The following ILRUN variants were observed in gnomAD, a reference collection of about 807,000 sequenced individuals.
ILRUN encodes inflammation and lipid regulator with UBA-like and NBR1-like domains.
Under a neutral mutation model 33.8 loss-of-function variants are expected in ILRUN, and 3 were observed. The observed-to-expected ratio is 0.09, with a 90% CI of 0.04 to 0.23. The LOEUF (loss-of-function observed/expected upper bound fraction) is 0.23. ILRUN is among the 10% of genes least tolerant of loss of function. The pLI, the probability that ILRUN is intolerant of heterozygous loss-of-function variation, is 1.00. For missense variants in ILRUN, 210 were observed against 375.1 expected (o/e 0.56, Z 3.64); for synonymous variants, 124 against 138.9 (o/e 0.89, Z 0.75).
chr6:34,612,621 A>G (rs1382001615), intron 3 of ILRUN, among the ~76,000 whole-genome samples: 1 of 152,140 alleles, frequency 6.6e-6, no homozygotes, highest in African/African-American at 2.4e-5. Context: ...ATAAGTATAA[A>G]AGAGGCCAGG....
intron 3 of ILRUN, among the ~76,000 whole-genome samples, chr6:34,619,271 T>C (rs535637982): frequency 7.2e-5 from 11 of 152,128 alleles, no homozygotes; most frequent in Non-Finnish European, 1.2e-4. Context: ...ACAACTCAAA[T>C]GTTCATCAGT....
At chr6:34,603,823 C>A (rs1761569542) in intron 4 of ILRUN, among the ~76,000 whole-genome samples, 1 of 152,144 alleles carries the variant, frequency 6.6e-6, no homozygotes, top group Non-Finnish European at 1.5e-5. Flanking sequence ...TTCCTCAAGT[C>A]TCCTAATGTA....
At position 34,589,072 on chromosome 6, in the gene ILRUN, G is replaced by C; in HGVS notation, c.*1493C>G. 1 of 152,926 alleles carries C rather than the reference G, an allele frequency of 6.5e-6. No individual in the cohort carries two copies. Among genetic ancestry groups the C allele is most frequent in the Non-Finnish European group, 1.5e-5 (1 of 68,128 alleles). 9.5% of individuals were successfully genotyped at this position (152,926 alleles called of 1,614,324 possible). ...CAGGTGACCCTGCAACAGCACCCTG[G>C]ATCCATATCCCTGGCTCTCAAACCA... On this transcript the variant is annotated 3_prime_UTR_variant, in exon 5 of 5. Transcript: ENST00000374023.
intron 3 of ILRUN, among the ~76,000 whole-genome samples, chr6:34,637,531 T>C (rs2127353225): frequency 6.6e-6 from 1 of 152,316 alleles, no homozygotes; most frequent in Middle Eastern, 3.4e-3. Context: ...AATTATATTT[T>C]TGCCCTCTAC....
intron 3 of ILRUN, among the ~76,000 whole-genome samples, chr6:34,623,988 C>T (rs1304390444): frequency 2.6e-5 from 4 of 152,194 alleles, no homozygotes; most frequent in East Asian, 3.9e-4. Flanking sequence ...CCTGTCACCA[C>T]GCCCAGCTAA....
chr6:34,646,918 C>T lies in ILRUN; in HGVS notation c.314-120G>A. On this transcript the variant is annotated intron_variant, in intron 2 of 4. Coordinates refer to ENST00000374023, the MANE Select transcript of ILRUN (RefSeq NM_024294.4). The surrounding 1 kb of genome is among the most constrained non-coding windows in gnomAD (Gnocchi z 4.9). The stretch of plus-strand genomic sequence containing the variant: ...TCTCACATACATACATAAACCTAAC[C>T]ACATATACCTAAGCCATATATTGTC... 1.2e-6 allele frequency: 1 copy of T among 811,338 alleles called. No individual in the cohort carries two copies. Among genetic ancestry groups the T allele is most frequent in the Non-Finnish European group, 2.0e-6 (1 of 500,278 alleles). The allele number at this position is 811,338 out of a possible 1,614,324, so 50.3% of individuals were successfully genotyped here. A position where few individuals can be genotyped will look rare whatever the true frequency, so the allele number is the denominator to read the frequency against.
At chr6:34,601,505 G>C (rs1372408248) in intron 4 of ILRUN, among the ~76,000 whole-genome samples, 1 of 152,172 alleles carries the variant, frequency 6.6e-6, no homozygotes, top group Non-Finnish European at 1.5e-5. Flanking sequence ...TAGCCCAGTT[G>C]AGGACACCAA....
At chr6:34,682,321 G>A (rs1477678312) in intron 1 of ILRUN, among the ~76,000 whole-genome samples, 5 of 146,940 alleles carry the variant, frequency 3.4e-5, no homozygotes, top group East Asian at 2.1e-4. Flanking sequence ...GCGGTGGCGC[G>A]ATCTCGGCCC....
chr6:34,624,393 G>A (rs1762072875), intron 3 of ILRUN, among the ~76,000 whole-genome samples: 1 of 151,108 alleles, frequency 6.6e-6, no homozygotes, highest in Non-Finnish European at 1.5e-5. Context: ...GTGTGATGTC[G>A]GCTGACTGCA....
At chr6:34,664,266 GA>G (rs1762952218) in intron 1 of ILRUN, among the ~76,000 whole-genome samples, 1 of 152,154 alleles carries the variant, frequency 6.6e-6, no homozygotes, top group Non-Finnish European at 1.5e-5. Context: ...CTGTATATTT[GA>G]AAATGTTTAT....
chr6:34,696,679 A>AG lies in ILRUN; in HGVS notation c.-77dup, dbSNP rs1763786767. 2 of 1,513,634 alleles carry AG rather than the reference A, an allele frequency of 1.3e-6. No homozygotes were observed. The highest frequency in any genetic ancestry group is 1.8e-6 in the Non-Finnish European group (2 of 1,123,346). 93.8% of individuals were successfully genotyped at this position (1,513,634 alleles called of 1,614,324 possible). The stretch of plus-strand genomic sequence containing the variant: ...CGCGCCGCCGGGCCCGGGGACCTGG[A>AG]GGGGGGCCGCTGCTAGCTAGCTTCG... On this transcript the variant is annotated 5_prime_UTR_variant, in exon 1 of 5. Coordinates refer to ENST00000374023, the MANE Select transcript of ILRUN (RefSeq NM_024294.4).
intron 1 of ILRUN, among the ~76,000 whole-genome samples, chr6:34,661,981 C>T (rs993591249): frequency 2.0e-4 from 30 of 151,412 alleles, no homozygotes; most frequent in Admixed American, 1.1e-3. Flanking sequence ...AAAAATTAGC[C>T]GGGCGTGGTG....
At chr6:34,653,879 G>A (rs1762718185) in intron 2 of ILRUN, among the ~76,000 whole-genome samples, 1 of 150,792 alleles carries the variant, frequency 6.6e-6, no homozygotes, top group South Asian at 2.1e-4. Context: ...GCTGAGGCAG[G>A]AGGATCGCCT....
At chr6:34,630,002 A>G (rs1762212580) in intron 3 of ILRUN, among the ~76,000 whole-genome samples, 3 of 152,342 alleles carry the variant, frequency 2.0e-5, no homozygotes, top group East Asian at 1.9e-4. Flanking sequence ...ACAATAACTG[A>G]TAATAAAATA....
At chr6:34,626,740 G>A (rs1356559056) in intron 3 of ILRUN, among the ~76,000 whole-genome samples, 1 of 152,158 alleles carries the variant, frequency 6.6e-6, no homozygotes, top group Non-Finnish European at 1.5e-5. Flanking sequence ...GGGTGTGATG[G>A]CTCACGCCTG....
At chr6:34,611,873 C>T (rs572727522) in intron 3 of ILRUN, among the ~76,000 whole-genome samples, 153 of 152,256 alleles carry the variant, frequency 1.0e-3, no homozygotes, top group African/African-American at 3.5e-3. Context: ...CTAACAGGAA[C>T]ATAGGAACCC....
At chr6:34,651,233 A>T (rs1349782181) in intron 2 of ILRUN, among the ~76,000 whole-genome samples, 1 of 152,242 alleles carries the variant, frequency 6.6e-6, no homozygotes, top group Non-Finnish European at 1.5e-5. Context: ...GCACCTTGAA[A>T]GATAAAATCT....
chr6:34,634,645 A>G (rs1034603414), intron 3 of ILRUN, among the ~76,000 whole-genome samples: 2 of 152,192 alleles, frequency 1.3e-5, no homozygotes, highest in African/African-American at 4.8e-5. Context: ...TAAAAGGATA[A>G]TAAGAGGATA....
rs186119302 is a variant in ILRUN, at chr6:34,599,634, T to C, written c.861+6921A>G. 2.0e-4 allele frequency among the ~76,000 whole-genome samples: 30 copies of C among 152,326 alleles called. No homozygotes were observed. The East Asian group carries it at 5.2e-3, about 26-fold the overall frequency. On this transcript the variant is annotated intron_variant, in intron 4 of 4. Transcript: ENST00000374023. ...GAAACCCTGACCTCCTCTCATCATT[T>C]AGGGAATCACATTCAGTCTTACAGC...
Sources: allele counts gnomAD v4.1 joint callset (sites outside exome capture counted in the v4.1 genomes callset), GRCh38; gene constraint gnomAD v4.1.1; non-coding constraint Gnocchi (gnomAD v3.1); transcripts MANE v1.5; gene names NCBI Gene and HGNC (gene_info 2026-07-23, HGNC 2026-07-21).